Variants in ADK observed in about 807,000 individuals in gnomAD.
The protein encoded by ADK is N6,N6-dimethyladenosine kinase.
In ADK, 24 loss-of-function variants were observed where a neutral mutation model predicts 44.7. The observed-to-expected ratio is 0.54, with a 90% CI of 0.39 to 0.76. The LOEUF (loss-of-function observed/expected upper bound fraction) is 0.76. ADK is among the 30% of genes least tolerant of loss of function. ADK has a pLI of 0.00. For synonymous variants in ADK, 128 were observed against 142.6 expected, an observed-to-expected ratio of 0.90 and a Z score of 0.73; for missense variants, 321 against 425.1, an observed-to-expected ratio of 0.76 and a Z score of 2.15.
At chr10:74,688,838 C>A (rs1564853208) in intron 10 of ADK, among the ~76,000 whole-genome samples, 1 of 152,132 alleles carries the variant, frequency 6.6e-6, no homozygotes, top group Non-Finnish European at 1.5e-5. Context: ...ATCTGTTGAG[C>A]CCAGGAGGTC....
chr10:74,564,305 G>A (rs1172287572), intron 7 of ADK, among the ~76,000 whole-genome samples: 2 of 152,088 alleles, frequency 1.3e-5, no homozygotes, highest in Non-Finnish European at 2.9e-5. Flanking sequence ...CTTAAAAAAA[G>A]AAAAACACTA....
intron 3 of ADK, among the ~76,000 whole-genome samples, chr10:74,293,931 T>G (rs929858908): frequency 5.3e-5 from 8 of 152,162 alleles, no homozygotes; most frequent in Non-Finnish European, 1.2e-4. Context: ...GAAGCACCCC[T>G]CACCCCCACC....
intron 6 of ADK, among the ~76,000 whole-genome samples, chr10:74,435,158 A>G (rs2133104083): frequency 6.6e-6 from 1 of 152,302 alleles, no homozygotes; most frequent in Middle Eastern, 3.4e-3. Context: ...TTGTCTAAGG[A>G]AGATATGATA....
chr10:74,533,616 G>A (rs930522498), intron 7 of ADK, among the ~76,000 whole-genome samples: 1 of 152,164 alleles, frequency 6.6e-6, no homozygotes, highest in Non-Finnish European at 1.5e-5. Context: ...ACAACTGCAC[G>A]GCTATTAGAA....
At chr10:74,702,890 C>T (rs1379517435) in intron 10 of ADK, among the ~76,000 whole-genome samples, 1 of 152,132 alleles carries the variant, frequency 6.6e-6, no homozygotes, top group African/African-American at 2.4e-5. Flanking sequence ...AGCCACCGTG[C>T]CTGGCCTATG....
chr10:74,586,381 G>A (rs899810362), intron 7 of ADK, among the ~76,000 whole-genome samples: 2 of 152,116 alleles, frequency 1.3e-5, no homozygotes, highest in Admixed American at 1.3e-4. Context: ...AAATTGAGTT[G>A]ACTTTTTTTA....
rs540138854 is a variant in ADK at position 74,626,534 on chromosome 10, C to G, written c.877+26041C>G. On this transcript the variant is annotated intron_variant, in intron 9 of 10. Transcript: ENST00000539909. ...ACTAAGCTGGTCTTCAACTCTTGAC[C>G]TCAAGTGATCCACCTGCCTCAGCCT... Among the ~76,000 whole-genome samples, 277 of 152,184 alleles carry G rather than the reference C, an allele frequency of 1.8e-3. 1 individual carries two copies. The highest frequency in any genetic ancestry group is 3.0e-3 in the Non-Finnish European group (201 of 67,998).
intron 10 of ADK, among the ~76,000 whole-genome samples, chr10:74,702,366 T>C (rs1198214784): frequency 6.6e-6 from 1 of 151,860 alleles, no homozygotes; most frequent in African/African-American, 2.4e-5. Flanking sequence ...GTATTTTTAG[T>C]AGAGACAGGG....
intron 6 of ADK, among the ~76,000 whole-genome samples, chr10:74,406,043 C>A (rs10762607): frequency 0.65 from 98,211 of 152,010 alleles, 33,063 homozygotes; most frequent in Middle Eastern, 0.8. Context: ...AACTCACTGG[C>A]ATCTACTACA....
At chr10:74,600,234 T>C in intron 8 of ADK, 145 bp from the exon 9 acceptor site, 3 of 578,190 alleles carry the variant, frequency 5.2e-6, no homozygotes, top group Non-Finnish European at 9.4e-6. Flanking sequence ...TTTACTTTTG[T>C]ATATGGTTAA....
At chr10:74,374,157 A>C (rs1278454740) in intron 4 of ADK, among the ~76,000 whole-genome samples, 1 of 152,148 alleles carries the variant, frequency 6.6e-6, no homozygotes, top group African/African-American at 2.4e-5. Flanking sequence ...TGATGACTCA[A>C]GAGTGAACTG....
chr10:74,603,824 C>T (rs1852226512), intron 9 of ADK, among the ~76,000 whole-genome samples: 2 of 152,200 alleles, frequency 1.3e-5, no homozygotes, highest in Admixed American at 6.5e-5. Flanking sequence ...GGAATCGCCA[C>T]ACTGTTTTCC....
intron 9 of ADK, among the ~76,000 whole-genome samples, chr10:74,638,534 G>A (rs539957727): frequency 6.6e-6 from 1 of 152,264 alleles, no homozygotes; most frequent in Admixed American, 6.5e-5. Context: ...GCACACGCCT[G>A]TAGTCTTGGC....
At chr10:74,251,452 T>A (rs913037530) in intron 3 of ADK, among the ~76,000 whole-genome samples, 1 of 152,228 alleles carries the variant, frequency 6.6e-6, no homozygotes, top group African/African-American at 2.4e-5. Context: ...ACAAAAATTA[T>A]AATAATTATA....
At chr10:74,356,270 G>A (rs968307988) in intron 4 of ADK, among the ~76,000 whole-genome samples, 32 of 150,262 alleles carry the variant, frequency 2.1e-4, no homozygotes, top group Non-Finnish European at 2.5e-4. Flanking sequence ...CACCCGCCTC[G>A]GCCTCCCAAA....
intron 6 of ADK, among the ~76,000 whole-genome samples, chr10:74,504,963 T>C (rs1848006864): frequency 1.3e-5 from 2 of 152,092 alleles, no homozygotes; most frequent in South Asian, 4.1e-4. Flanking sequence ...AACGGACTAA[T>C]ACATTTATTG....
chr10:74,301,171 A>G (rs1370262298), intron 3 of ADK, among the ~76,000 whole-genome samples: 2 of 152,216 alleles, frequency 1.3e-5, no homozygotes, highest in African/African-American at 4.8e-5. Context: ...ATGTGAAATT[A>G]TTATAGATCA....
At chr10:74,694,903 G>A (rs1856118635) in intron 10 of ADK, among the ~76,000 whole-genome samples, 1 of 151,434 alleles carries the variant, frequency 6.6e-6, no homozygotes, top group South Asian at 2.1e-4. Flanking sequence ...TCTTCTAAAA[G>A]TCTTACTATT....
intron 3 of ADK, among the ~76,000 whole-genome samples, chr10:74,242,616 A>G (rs1329720731): frequency 5.9e-5 from 9 of 152,190 alleles, no homozygotes; most frequent in African/African-American, 2.2e-4. Flanking sequence ...CCCACCTCCA[A>G]GGTGAAAAGC....
Sources: allele counts gnomAD v4.1 joint callset (sites outside exome capture counted in the v4.1 genomes callset), GRCh38; gene constraint gnomAD v4.1.1; transcripts MANE v1.5; gene names NCBI Gene and HGNC (gene_info 2026-07-23, HGNC 2026-07-21).